Variants in FGF12 observed in about 807,000 individuals in gnomAD.
FGF12 encodes fibroblast growth factor 12B.
Under a neutral mutation model 23.6 loss-of-function variants are expected in FGF12, and 14 were observed. The ratio of observed to expected loss-of-function variants is 0.59; its 90% CI spans 0.39 to 0.93. The LOEUF (loss-of-function observed/expected upper bound fraction) is 0.93, where lower values mean the gene tolerates loss of function less well. Among genes scored for constraint, FGF12 ranks in the 40% least tolerant of loss-of-function variants. FGF12 has a pLI of 0.00. For missense variants in FGF12, 175 were observed against 217.8 expected, an observed-to-expected ratio of 0.80 and a Z score of 1.24; for synonymous variants, 62 against 77.3, an observed-to-expected ratio of 0.80 and a Z score of 1.04.
chr3:192,251,368 A>T lies in FGF12; in HGVS notation c.229-80712T>A, dbSNP rs1324947235. 3.3e-5 allele frequency among the ~76,000 whole-genome samples: 5 copies of T among 152,168 alleles called. No homozygotes were observed. The East Asian group carries it at 9.6e-4, about 29-fold the overall frequency. ...GTCTATAACTCTATTGTACTATTAC[A>T]TTCCTAAATTTGGCTATAACAGGTG... On this transcript the variant is annotated intron_variant, in intron 4 of 5. Coordinates refer to ENST00000445105, the MANE Select transcript of FGF12 (RefSeq NM_004113.6).
intron 2 of FGF12, among the ~76,000 whole-genome samples, chr3:192,617,229 G>T (rs1027214575): frequency 6.6e-6 from 1 of 152,040 alleles, no homozygotes; most frequent in Non-Finnish European, 1.5e-5. Context: ...GAATAGGCTA[G>T]GGATATATTA....
At chr3:192,659,449 C>T (rs1165838406) in intron 2 of FGF12, among the ~76,000 whole-genome samples, 1 of 152,138 alleles carries the variant, frequency 6.6e-6, no homozygotes, top group Non-Finnish European at 1.5e-5. Context: ...CCATCAGTCG[C>T]TCCCACTGTG....
At chr3:192,626,813 G>A (rs1200291049) in intron 2 of FGF12, among the ~76,000 whole-genome samples, 1 of 152,044 alleles carries the variant, frequency 6.6e-6, no homozygotes, top group African/African-American at 2.4e-5. Flanking sequence ...TCACTGCATT[G>A]CCCAGGCTGA....
At chr3:192,355,141 C>A (rs974018717) in intron 3 of FGF12, among the ~76,000 whole-genome samples, 1 of 152,168 alleles carries the variant, frequency 6.6e-6, no homozygotes, top group African/African-American at 2.4e-5. Context: ...CTTGACCCAG[C>A]AATTCTACTT....
chr3:192,341,513 A>C (rs1270678546), intron 3 of FGF12, among the ~76,000 whole-genome samples: 1 of 152,098 alleles, frequency 6.6e-6, no homozygotes, highest in Non-Finnish European at 1.5e-5. Context: ...TCAAAATTTA[A>C]ACTGTTGTGG....
At chr3:192,565,612 C>G (rs1015360731) in intron 2 of FGF12, among the ~76,000 whole-genome samples, 1 of 152,172 alleles carries the variant, frequency 6.6e-6, no homozygotes, top group East Asian at 1.9e-4. Context: ...AGGCTATACC[C>G]TACAGCTTAG....
At chr3:192,701,895 A>G (rs1718309899) in intron 2 of FGF12, among the ~76,000 whole-genome samples, 1 of 152,190 alleles carries the variant, frequency 6.6e-6, no homozygotes, top group Non-Finnish European at 1.5e-5. Flanking sequence ...ATCTGCTCTT[A>G]GCAAATTCCC....
intron 4 of FGF12, among the ~76,000 whole-genome samples, chr3:192,196,730 C>T (rs1467577707): frequency 6.6e-6 from 1 of 152,148 alleles, no homozygotes; most frequent in Admixed American, 6.5e-5. Flanking sequence ...CATTTTGTAG[C>T]ATTCTTTCCA....
At chr3:192,375,653 C>A (rs1382609701) in intron 2 of FGF12, among the ~76,000 whole-genome samples, 1 of 151,908 alleles carries the variant, frequency 6.6e-6, no homozygotes, top group Non-Finnish European at 1.5e-5. Flanking sequence ...TTTTGCTCAT[C>A]ATTATAACCC....
intron 2 of FGF12, among the ~76,000 whole-genome samples, chr3:192,702,879 T>C (rs934333802): frequency 2.0e-5 from 3 of 152,214 alleles, no homozygotes; most frequent in African/African-American, 7.2e-5. Flanking sequence ...GTTGATTACA[T>C]ATAACTATCC....
At chr3:192,681,957 T>C (rs139357313) in intron 2 of FGF12, among the ~76,000 whole-genome samples, 6 of 152,294 alleles carry the variant, frequency 3.9e-5, no homozygotes, top group Non-Finnish European at 2.9e-5. Flanking sequence ...TAGTGTCAGA[T>C]TGGGAAGCCA....
intron 2 of FGF12, among the ~76,000 whole-genome samples, chr3:192,496,917 C>A (rs1324313164): frequency 6.6e-6 from 1 of 152,160 alleles, no homozygotes; most frequent in Non-Finnish European, 1.5e-5. Context: ...TAGAACATTG[C>A]AGGCTTAGTC....
intron 4 of FGF12, among the ~76,000 whole-genome samples, chr3:192,320,342 CAG>C (rs1395867754): frequency 6.6e-6 from 1 of 152,102 alleles, no homozygotes; most frequent in African/African-American, 2.4e-5. Context: ...ATCAGAGCTA[CAG>C]AGAGAGACCC....
intron 4 of FGF12, among the ~76,000 whole-genome samples, chr3:192,226,614 T>C (rs1718748939): frequency 6.6e-6 from 1 of 152,148 alleles, no homozygotes; most frequent in African/African-American, 2.4e-5. Context: ...AAGGTGATGG[T>C]AACAGGAAGT....
At chr3:192,426,532 C>T (rs1179300461) in intron 2 of FGF12, among the ~76,000 whole-genome samples, 1 of 152,140 alleles carries the variant, frequency 6.6e-6, no homozygotes, top group Non-Finnish European at 1.5e-5. Flanking sequence ...ATCTGTGTAG[C>T]TCTTCAAACA....
chr3:192,205,996 G>A (rs1317040176), intron 4 of FGF12, among the ~76,000 whole-genome samples: 1 of 152,104 alleles, frequency 6.6e-6, no homozygotes, highest in Non-Finnish European at 1.5e-5. Context: ...TCTCTGAGAG[G>A]GTCCTCACCA....
chr3:192,678,824 T>C (rs1352925826), intron 2 of FGF12, among the ~76,000 whole-genome samples: 17 of 152,152 alleles, frequency 1.1e-4, no homozygotes, highest in African/African-American at 2.4e-4. Flanking sequence ...TCCATTTCAA[T>C]GGGCCCTTAG....
chr3:192,334,747 C>T (rs1441783921), intron 4 of FGF12, among the ~76,000 whole-genome samples: 1 of 152,000 alleles, frequency 6.6e-6, no homozygotes, highest in African/African-American at 2.4e-5. Flanking sequence ...AAAATTAAGC[C>T]AATGAAGGTA....
At chr3:192,688,611 T>G (rs1042750811) in intron 2 of FGF12, among the ~76,000 whole-genome samples, 3 of 152,216 alleles carry the variant, frequency 2.0e-5, no homozygotes, top group Admixed American at 6.5e-5. Context: ...AATTGGAGAT[T>G]CATGAATTTT....
Sources: allele counts gnomAD v4.1 joint callset (sites outside exome capture counted in the v4.1 genomes callset), GRCh38; gene constraint gnomAD v4.1.1; transcripts MANE v1.5; gene names NCBI Gene and HGNC (gene_info 2026-07-23, HGNC 2026-07-21).